Variants in SLC9A9 observed in about 807,000 individuals in gnomAD.
SLC9A9 encodes solute carrier family 9 member A9.
A neutral mutation model predicts 77.8 loss-of-function variants in SLC9A9; 62 were observed. The observed-to-expected ratio is 0.80, with a 90% CI of 0.65 to 0.98. SLC9A9 has a LOEUF of 0.98. Ranked by LOEUF, SLC9A9 falls within the 50% of genes least tolerant of loss-of-function variation. The pLI is 0.00. For missense variants in SLC9A9, 775 were observed against 774.9 expected (o/e 1.00, Z 0.00); for synonymous variants, 320 against 283.5 (o/e 1.13, Z -1.29).
rs764293983 is a variant in SLC9A9, at chr3:143,493,617, A to C, written c.1315+36T>G. 5.7e-6 allele frequency: 9 copies of C among 1,570,482 alleles called. No individual in the cohort carries two copies. The African/African-American group carries it at 1.1e-4, about 19-fold the overall frequency. ...TTCATGTTCTGTAAAATTGTGAGAA[A>C]ACCAGCAGCACTAACATATAACATA... On this transcript the variant is annotated intron_variant, in intron 11 of 15. Coordinates refer to ENST00000316549, the MANE Select transcript of SLC9A9 (RefSeq NM_173653.4).
At chr3:143,334,568 C>T (rs756286114) in intron 14 of SLC9A9, among the ~76,000 whole-genome samples, 8 of 152,172 alleles carry the variant, frequency 5.3e-5, no homozygotes, top group Admixed American at 2.0e-4. Context: ...TTCTGTAAAA[C>T]GGGCTTAGTA....
At chr3:143,726,335 G>A (rs1347675792) in intron 4 of SLC9A9, among the ~76,000 whole-genome samples, 1 of 151,740 alleles carries the variant, frequency 6.6e-6, no homozygotes, top group African/African-American at 2.4e-5. Context: ...GGGCTCCAAG[G>A]AGATTCTGGG....
intron 1 of SLC9A9, among the ~76,000 whole-genome samples, chr3:143,837,570 A>G (rs1443453722): frequency 6.6e-6 from 1 of 152,174 alleles, no homozygotes; most frequent in East Asian, 1.9e-4. Context: ...TAAGTGTATC[A>G]GGTCCTATTG....
At chr3:143,625,091 A>G (rs1166410674) in intron 6 of SLC9A9, among the ~76,000 whole-genome samples, 1 of 152,244 alleles carries the variant, frequency 6.6e-6, no homozygotes, top group African/African-American at 2.4e-5. Context: ...AGAACTACAA[A>G]CCACTGCTCA....
intron 8 of SLC9A9, among the ~76,000 whole-genome samples, chr3:143,568,341 G>C (rs2037205270): frequency 6.6e-6 from 1 of 152,108 alleles, no homozygotes; most frequent in Non-Finnish European, 1.5e-5. Context: ...TTATCCATTG[G>C]AGTTGGGGGT....
At chr3:143,497,285 T>C (rs1251066218) in intron 9 of SLC9A9, among the ~76,000 whole-genome samples, 1 of 152,190 alleles carries the variant, frequency 6.6e-6, no homozygotes, top group Non-Finnish European at 1.5e-5. Context: ...AGCCTCTCTT[T>C]AATGGCCTTA....
chr3:143,582,281 G>T (rs1316945119), intron 6 of SLC9A9, among the ~76,000 whole-genome samples: 1 of 152,184 alleles, frequency 6.6e-6, no homozygotes, highest in Non-Finnish European at 1.5e-5. Flanking sequence ...TACCTCATCT[G>T]TAAAATGGAG....
rs1933869310 is a variant in SLC9A9 at position 143,703,654 on chromosome 3, CG to C, written c.534-10348del. 4.0e-5 allele frequency among the ~76,000 whole-genome samples: 6 copies of C among 151,802 alleles called. No individual in the cohort carries two copies. In the South Asian group the frequency reaches 1.2e-3, roughly 32 times the overall value. ...TAAACAACCTAATGATGTATCTTAA[CG>C]AACCAGAAAAGAAAGAGCGAACCAA... On this transcript the variant is annotated intron_variant, in intron 4 of 15. Transcript: ENST00000316549.
intron 4 of SLC9A9, among the ~76,000 whole-genome samples, chr3:143,710,107 A>G (rs1158706961): frequency 1.3e-5 from 2 of 152,232 alleles, no homozygotes; most frequent in Non-Finnish European, 2.9e-5. Context: ...GATGAATTGT[A>G]TCAACTCAGA....
intron 9 of SLC9A9, among the ~76,000 whole-genome samples, chr3:143,512,605 C>T (rs1176640375): frequency 7.9e-5 from 12 of 152,320 alleles, no homozygotes; most frequent in Non-Finnish European, 1.5e-4. Flanking sequence ...TGGCTGGGTG[C>T]GGTGGCTCAC....
chr3:143,550,967 T>C (rs949899789), intron 9 of SLC9A9, among the ~76,000 whole-genome samples: 1 of 152,214 alleles, frequency 6.6e-6, no homozygotes, highest in Admixed American at 6.5e-5. Flanking sequence ...TAGCTCAAAA[T>C]GTGACTTTAC....
intron 14 of SLC9A9, among the ~76,000 whole-genome samples, chr3:143,284,987 C>T (rs1386665768): frequency 7.2e-5 from 11 of 152,156 alleles, no homozygotes; most frequent in Admixed American, 7.2e-4. Flanking sequence ...TAAATATGTG[C>T]TGATATCAAT....
At chr3:143,831,583 C>A (rs1171074370) in intron 2 of SLC9A9, among the ~76,000 whole-genome samples, 4 of 152,244 alleles carry the variant, frequency 2.6e-5, no homozygotes, top group African/African-American at 9.6e-5. Context: ...CCTAGGTTTC[C>A]AGGTTTGCAA....
intron 4 of SLC9A9, among the ~76,000 whole-genome samples, chr3:143,700,481 C>T (rs988292762): frequency 6.6e-6 from 1 of 152,142 alleles, no homozygotes. Context: ...TAACTGCAAG[C>T]TGACTGAAGA....
At chr3:143,828,863 C>T (rs576655176) in intron 2 of SLC9A9, among the ~76,000 whole-genome samples, 54 of 152,208 alleles carry the variant, frequency 3.5e-4, no homozygotes, top group Non-Finnish European at 5.6e-4. Flanking sequence ...CTCTCCTCAC[C>T]ATTTCACCTG....
intron 12 of SLC9A9, among the ~76,000 whole-genome samples, chr3:143,459,349 T>G (rs971037151): frequency 9.9e-5 from 15 of 152,158 alleles, no homozygotes; most frequent in African/African-American, 3.6e-4. Flanking sequence ...GTTAGATAAC[T>G]CTGGATCTGG....
At chr3:143,620,320 C>T (rs1453013158) in intron 6 of SLC9A9, among the ~76,000 whole-genome samples, 1 of 152,130 alleles carries the variant, frequency 6.6e-6, no homozygotes, top group Non-Finnish European at 1.5e-5. Flanking sequence ...GTAAGTATAG[C>T]ATAGTTGTTG....
rs561170879 is a variant in SLC9A9, at chr3:143,760,097, A to G, written c.533+34904T>C. Among the ~76,000 whole-genome samples, 15 of 152,314 alleles carry G rather than the reference A, an allele frequency of 9.8e-5. No homozygotes were observed. The South Asian group carries it at 2.9e-3, about 29-fold the overall frequency. The stretch of plus-strand genomic sequence containing the variant: ...GAGTTTGATAGTGTTATAAATATAG[A>G]GAATATAGTAAACATTGGCTTTATG... On this transcript the variant is annotated intron_variant, in intron 4 of 15. Coordinates refer to ENST00000316549, the MANE Select transcript of SLC9A9 (RefSeq NM_173653.4).
intron 12 of SLC9A9, among the ~76,000 whole-genome samples, chr3:143,465,628 C>A (rs2035268949): frequency 6.6e-6 from 1 of 152,168 alleles, no homozygotes; most frequent in African/African-American, 2.4e-5. Flanking sequence ...AACTTGGTTT[C>A]CAAGCCCTAA....
Sources: gnomAD v4.1 joint callset for allele counts (sites outside exome capture counted in the v4.1 genomes callset) on GRCh38, gnomAD v4.1.1 for gene constraint, MANE v1.5 for transcripts, NCBI Gene and HGNC (gene_info 2026-07-23, HGNC 2026-07-21) for gene names.